Variants in VEZT observed in about 807,000 individuals in gnomAD.
The protein encoded by VEZT is vezatin.
VEZT carries 39 observed loss-of-function variants against 79.9 expected under a neutral mutation model. The ratio of observed to expected loss-of-function variants is 0.49; its 90% CI spans 0.38 to 0.64. VEZT has a LOEUF of 0.64. Among genes scored for constraint, VEZT ranks in the 30% least tolerant of loss-of-function variants. VEZT has a pLI of 0.00. For synonymous variants in VEZT, 325 were observed against 327.6 expected (o/e 0.99, Z 0.09); for missense variants, 837 against 893.1 (o/e 0.94, Z 0.80).
In VEZT at chr12:95,282,512, A is replaced by G. The variant is rs748193809; in HGVS notation, c.1196A>G (p.Tyr399Cys). 2.6e-5 allele frequency: 42 copies of G among 1,613,898 alleles called. No homozygotes were observed. Among genetic ancestry groups the G allele is most frequent in the Middle Eastern group, 1.6e-4 (1 of 6,084 alleles). Residue 399 changes from tyrosine (Y) to cysteine (C), a missense_variant, in exon 8 of 12, where the codon TAT (tyrosine) becomes TGT (cysteine). Coordinates refer to ENST00000436874, the MANE Select transcript of VEZT (RefSeq NM_017599.4). Reference sequence around the variant, plus strand: ...GAGCTTAAGCGCAGCTATGAGTTCTATCGGTACTTTGAAACTCAGCACCAG... The same window carrying G: ...GAGCTTAAGCGCAGCTATGAGTTCTGTCGGTACTTTGAAACTCAGCACCAG... ...LEELKRSYEF[Y>C]RYFETQHQSV...
chr12:95,249,277 G>C (rs1030016727), intron 1 of VEZT, among the ~76,000 whole-genome samples: 1 of 152,150 alleles, frequency 6.6e-6, no homozygotes, highest in Non-Finnish European at 1.5e-5. Context: ...TTGAAGAAAG[G>C]GTTCTACTGC....
chr12:95,289,910 T>G (rs969691793), intron 9 of VEZT, among the ~76,000 whole-genome samples: 1 of 152,342 alleles, frequency 6.6e-6, no homozygotes, highest in African/African-American at 2.4e-5. Flanking sequence ...GTGTAATTCT[T>G]TTGATGGTGG....
chr12:95,247,776 A>T (rs1413836256), intron 1 of VEZT, among the ~76,000 whole-genome samples: 2 of 152,194 alleles, frequency 1.3e-5, no homozygotes, highest in African/African-American at 4.8e-5. Flanking sequence ...TTTTATTCCT[A>T]AACATTTTAA....
chr12:95,253,018 G>C (rs566897948), intron 2 of VEZT, among the ~76,000 whole-genome samples: 1 of 152,238 alleles, frequency 6.6e-6, no homozygotes, highest in African/African-American at 2.4e-5. Context: ...CTGAAGCATA[G>C]GAGGATTATA....
intron 8 of VEZT, among the ~76,000 whole-genome samples, chr12:95,283,752 A>T (rs1318506350): frequency 6.6e-6 from 1 of 152,212 alleles, no homozygotes; most frequent in Non-Finnish European, 1.5e-5. Flanking sequence ...AGATTATGGC[A>T]TAGGAAAAAT....
chr12:95,256,105 G>T (rs1384631922), intron 2 of VEZT, among the ~76,000 whole-genome samples: 1 of 151,918 alleles, frequency 6.6e-6, no homozygotes, highest in Admixed American at 6.6e-5. Context: ...AGGCTGGAGT[G>T]CAATGGCGCG....
chr12:95,232,997 G>T (rs2059483011), intron 1 of VEZT, among the ~76,000 whole-genome samples: 1 of 152,104 alleles, frequency 6.6e-6, no homozygotes, highest in African/African-American at 2.4e-5. Context: ...GTGGAGACAG[G>T]GTTTTGCCAT....
chr12:95,241,373 C>A (rs560845872), intron 1 of VEZT, among the ~76,000 whole-genome samples: 21 of 152,022 alleles, frequency 1.4e-4, no homozygotes, highest in Non-Finnish European at 3.1e-4. Context: ...ACGAGTCTTG[C>A]ATGGCTTACT....
At chr12:95,265,427 G>A (rs1211282434) in intron 4 of VEZT, among the ~76,000 whole-genome samples, 1 of 148,500 alleles carries the variant, frequency 6.7e-6, no homozygotes, top group Admixed American at 6.8e-5. Context: ...GGAAAAATGT[G>A]TACATATTCT....
chr12:95,254,971 G>A (rs2063230973), intron 2 of VEZT, among the ~76,000 whole-genome samples: 1 of 151,928 alleles, frequency 6.6e-6, no homozygotes, highest in Non-Finnish European at 1.5e-5. Context: ...ATTCCATAGA[G>A]TTTTAGCAGC....
At position 95,238,832 on chromosome 12, in the gene VEZT, AT is replaced by A. The variant is rs1242241004; in HGVS notation, c.37-13102del. ...TTAAACACATTTATTAAATGTTTTCATTTTTTATACTTCTTGTAGTCCCAGT... is the reference window on the plus strand; with the variant it reads ...TTAAACACATTTATTAAATGTTTTCATTTTTATACTTCTTGTAGTCCCAGT... On this transcript the variant is annotated intron_variant, in intron 1 of 11. Coordinates refer to ENST00000436874, the MANE Select transcript of VEZT (RefSeq NM_017599.4). Among the ~76,000 whole-genome samples, 8 of 152,300 alleles carry A rather than the reference AT, an allele frequency of 5.3e-5. No individual in the cohort carries two copies. The East Asian group carries it at 1.5e-3, about 29-fold the overall frequency.
rs531470163 is a variant in VEZT at position 95,225,761 on chromosome 12, C to CAAAAA, written c.36+7903_36+7907dup. Among the ~76,000 whole-genome samples, 52 of 40,872 alleles carry CAAAAA rather than the reference C, an allele frequency of 1.3e-3. 1 individual carries two copies. The highest frequency in any genetic ancestry group is 1.9e-3 in the Non-Finnish European group (36 of 18,816). 26.8% of individuals were successfully genotyped at this position (40,872 alleles called of 152,430 possible). Reference sequence around the variant, plus strand: ...TTGCCTCCACAGCTTTGTTTCATAGCAAAAAAAAAAAAAAAAAAAAAAAAA... The same window carrying CAAAAA: ...TTGCCTCCACAGCTTTGTTTCATAGCAAAAAAAAAAAAAAAAAAAAAAAAAAAAAA... On this transcript the variant is annotated intron_variant, in intron 1 of 11. Transcript: ENST00000436874.
chr12:95,268,323 G>C (rs556668998), intron 5 of VEZT, among the ~76,000 whole-genome samples: 2 of 151,786 alleles, frequency 1.3e-5, no homozygotes, highest in South Asian at 2.1e-4. Flanking sequence ...GTGAAACCCC[G>C]TCTCTACTAA....
chr12:95,231,871 A>G (rs1460164911), intron 1 of VEZT, among the ~76,000 whole-genome samples: 2 of 152,180 alleles, frequency 1.3e-5, no homozygotes, highest in Non-Finnish European at 2.9e-5. Flanking sequence ...TTGGCAATAC[A>G]ATTATGGGGA....
At chr12:95,263,153 G>C in intron 4 of VEZT, 72 bp downstream of exon 4, 4 of 1,322,966 alleles carry the variant, frequency 3.0e-6, no homozygotes, top group Non-Finnish European at 4.1e-6. Flanking sequence ...CCATCATTGT[G>C]CTCTCCATTG....
At chr12:95,272,255 G>T (rs2066773479) in intron 6 of VEZT, among the ~76,000 whole-genome samples, 1 of 152,140 alleles carries the variant, frequency 6.6e-6, no homozygotes, top group Admixed American at 6.5e-5. Flanking sequence ...ACGGGAATAG[G>T]ATAGAGAATG....
rs370984462 is a variant in VEZT, at chr12:95,251,999, T to C, written c.96T>C (p.Ser32=). 1.9e-6 allele frequency: 3 copies of C among 1,612,876 alleles called. No homozygotes were observed. The highest frequency in any genetic ancestry group is 2.5e-6 in the Non-Finnish European group (3 of 1,179,412). Reference sequence around the variant, plus strand: ...GACACACAGACTTTGAAATATGTTCTTCTTTGTCACCAAAAACAGAAAAAT... The same window carrying C: ...GACACACAGACTTTGAAATATGTTCCTCTTTGTCACCAAAAACAGAAAAAT... The part of the protein sequence containing the change: ...DLGHTDFEIC[S]SLSPKTEKCT... Residue 32 remains serine (S), a synonymous_variant, in exon 2 of 12, where the codon TCT becomes TCC. Coordinates refer to ENST00000436874, the MANE Select transcript of VEZT (RefSeq NM_017599.4).
chr12:95,275,397 C>T (rs776077980), intron 7 of VEZT, among the ~76,000 whole-genome samples: 3 of 151,958 alleles, frequency 2.0e-5, no homozygotes, highest in African/African-American at 4.8e-5. Flanking sequence ...CTCAGGAGTT[C>T]GAGACCAGCC....
intron 3 of VEZT, among the ~76,000 whole-genome samples, chr12:95,259,507 C>A (rs1475162360): frequency 6.6e-6 from 1 of 152,142 alleles, no homozygotes; most frequent in Non-Finnish European, 1.5e-5. Context: ...CTGTTATTAT[C>A]CCACTTTTGC....
Sources: allele counts gnomAD v4.1 joint callset (sites outside exome capture counted in the v4.1 genomes callset), GRCh38; gene constraint gnomAD v4.1.1; transcripts MANE v1.5; gene names NCBI Gene and HGNC (gene_info 2026-07-23, HGNC 2026-07-21).